KIF13B: variants seen among roughly 807,000 people sequenced by gnomAD.
KIF13B encodes the protein kinesin family member 13B.
A neutral mutation model predicts 222.0 loss-of-function variants in KIF13B; 127 were observed. The observed-to-expected ratio is 0.57, with a 90% CI of 0.50 to 0.66. The LOEUF (loss-of-function observed/expected upper bound fraction) is 0.66, where lower values mean the gene tolerates loss of function less well. KIF13B is among the 30% of genes least tolerant of loss of function. KIF13B has a pLI of 0.00. For synonymous variants in KIF13B, 976 were observed against 919.0 expected (o/e 1.06, Z -1.12); for missense variants, 2,173 against 2,379.0 (o/e 0.91, Z 1.80).
In KIF13B at chr8:29,182,049, A is replaced by C. The variant is rs370992243; in HGVS notation, c.498-43T>G. 7 of 1,497,530 alleles carry C rather than the reference A, an allele frequency of 4.7e-6. No homozygotes were observed. The South Asian group carries it at 8.0e-5, about 17-fold the overall frequency. 92.8% of individuals were successfully genotyped at this position (1,497,530 alleles called of 1,614,324 possible). On this transcript the variant is annotated intron_variant, in intron 6 of 39. Transcript: ENST00000524189. ...AGAAATGATTTTTTAACAATAGCCT[A>C]TTTTTAAAAAGGACTCAGCTCTGCT...
chr8:29,167,474 T>C lies in KIF13B; in HGVS notation c.1057A>G (p.Ile353Val), dbSNP rs778842588. 3 of 1,614,006 alleles carry C rather than the reference T, an allele frequency of 1.9e-6. No individual in the cohort carries two copies. Among genetic ancestry groups the C allele is most frequent in the African/African-American group, 1.3e-5 (1 of 75,066 alleles). ...TCATTCACCACAGCGTGGTTTACAATGTGCTTGGCTCGATCTGCATACCGC... is the reference window on the plus strand; with the variant it reads ...TCATTCACCACAGCGTGGTTTACAACGTGCTTGGCTCGATCTGCATACCGC... ...TLRYADRAKHIVNHAVVNEDP... is the reference protein window; with the variant it reads ...TLRYADRAKHVVNHAVVNEDP... Residue 353 changes from isoleucine (I) to valine (V), a missense_variant, in exon 11 of 40, where the codon ATT becomes GTT. Physicochemically the swap from Ile to Val is conservative, Grantham distance 29 (BLOSUM62 3). Coordinates refer to ENST00000524189, the MANE Select transcript of KIF13B (RefSeq NM_015254.4).
At chr8:29,186,913 G>C (rs1240664305) in intron 5 of KIF13B, among the ~76,000 whole-genome samples, 2 of 149,460 alleles carry the variant, frequency 1.3e-5, no homozygotes, top group African/African-American at 2.5e-5. Context: ...AGGTTGCAGT[G>C]AGCCGAGATT....
rs1349245798 is a variant in KIF13B at position 29,071,952 on chromosome 8, C to T, written c.4886G>A (p.Ser1629Asn). Residue 1629 changes from serine (S) to asparagine (N), a missense_variant, in exon 39 of 40, where the codon AGC becomes AAC. Physicochemically the swap from Ser to Asn is conservative, Grantham distance 46. Around this residue, in one of 2 missense-constraint regions of KIF13B, gnomAD observed 693 missense variants for 656.2 expected, o/e 1.06. Coordinates refer to ENST00000524189, the MANE Select transcript of KIF13B (RefSeq NM_015254.4). This position sits in a 1 kb window ranked among gnomAD's most constrained non-coding sequence, Gnocchi z 4.9. ...EEPPGPQQLV[S>N]PGRERPDLEA... ...GAGGTCGGGGCGCTCCCGACCGGGG[C>T]TCACGAGCTGCTGGGGGCCAGGGGG... is the stretch of plus-strand genomic sequence containing the variant. The T allele has an allele frequency of 4.4e-6, 6 of 1,361,400 alleles. No homozygotes were observed. The highest frequency in any genetic ancestry group is 5.6e-6 in the Non-Finnish European group (6 of 1,063,982). The allele number at this position is 1,361,400 out of a possible 1,614,324, so 84.3% of individuals were successfully genotyped here.
At chr8:29,253,339 A>G (rs1456069123) in intron 1 of KIF13B, among the ~76,000 whole-genome samples, 3 of 152,074 alleles carry the variant, frequency 2.0e-5, no homozygotes, top group South Asian at 4.2e-4. Context: ...GCAAGACCCC[A>G]TATCTGAAAA....
At chr8:29,154,418 G>A (rs559182291) in intron 14 of KIF13B, among the ~76,000 whole-genome samples, 1 of 152,192 alleles carries the variant, frequency 6.6e-6, no homozygotes, top group South Asian at 2.1e-4. Context: ...GGGAGGCAGG[G>A]AGCCGGTGTG....
intron 10 of KIF13B, 97 bp from the exon 11 acceptor site, chr8:29,167,682 G>C: frequency 1.0e-6 from 1 of 969,698 alleles, no homozygotes; most frequent in East Asian, 2.4e-5. Flanking sequence ...AATTTCCCCA[G>C]GTCAAACACA....
intron 1 of KIF13B, among the ~76,000 whole-genome samples, chr8:29,245,899 A>C (rs1815999268): frequency 6.6e-6 from 1 of 152,260 alleles, no homozygotes; most frequent in South Asian, 2.1e-4. Context: ...GAAAAATCTG[A>C]AAGTGAAATT....
At position 29,108,246 on chromosome 8, in the gene KIF13B, GTC is replaced by G; in HGVS notation, c.4162-56_4162-55del. On this transcript the variant is annotated intron_variant, in intron 34 of 39. Transcript: ENST00000524189. ...ATTTATGCATCAGAGCATACACGTG[GTC>G]TAGGCAACGCCAGTCTTTGCCAACC... The G allele has an allele frequency of 3.2e-6, 5 of 1,550,504 alleles. No individual in the cohort carries two copies. The Admixed American group carries it at 5.5e-5, about 17-fold the overall frequency.
At chr8:29,166,572 C>T (rs753678950) in intron 11 of KIF13B, among the ~76,000 whole-genome samples, 33 of 152,008 alleles carry the variant, frequency 2.2e-4, no homozygotes, top group Non-Finnish European at 4.1e-4. Flanking sequence ...GGCGTGGTGG[C>T]GTGCGCCTGT....
At chr8:29,133,161 G>C (rs2129850684) in intron 22 of KIF13B, among the ~76,000 whole-genome samples, 1 of 152,320 alleles carries the variant, frequency 6.6e-6, no homozygotes, top group Admixed American at 6.5e-5. Flanking sequence ...GAGCAAGAAA[G>C]ACTTGGGGAC....
At chr8:29,162,747 A>T (rs1483863539) in intron 12 of KIF13B, among the ~76,000 whole-genome samples, 1 of 152,218 alleles carries the variant, frequency 6.6e-6, no homozygotes, top group African/African-American at 2.4e-5. Flanking sequence ...TAAATCATCT[A>T]AAAAAATTAC....
rs1643779177 is a variant in KIF13B, at chr8:29,118,911, T to C, written c.3617A>G (p.Glu1206Gly). 1.2e-6 allele frequency: 2 copies of C among 1,613,582 alleles called. No homozygotes were observed. Among genetic ancestry groups the C allele is most frequent in the Admixed American group, 3.3e-5 (2 of 60,006 alleles). ...WDATLTGEEE[E>G]EFFELQIVKQ... ...CACAATCTGCAATTCAAAGAACTCCTCTTCTTCTTCCCCAGTCAAGGTCGC... is the reference window on the plus strand; with the variant it reads ...CACAATCTGCAATTCAAAGAACTCCCCTTCTTCTTCCCCAGTCAAGGTCGC... The change falls in exon 30 of 40, where the codon GAG becomes GGG. Residue 1206 changes from glutamate to glycine, a missense_variant. Glu to Gly is a moderately conservative substitution (Grantham distance 98, BLOSUM62 -2). Coordinates refer to ENST00000524189, the MANE Select transcript of KIF13B (RefSeq NM_015254.4).
At chr8:29,159,158 A>AT (rs112993669) in intron 13 of KIF13B, among the ~76,000 whole-genome samples, 50 of 149,940 alleles carry the variant, frequency 3.3e-4, no homozygotes, top group East Asian at 9.8e-4. Context: ...GTGATAATAC[A>AT]TTTTTTTTTT....
At position 29,072,278 on chromosome 8, in the gene KIF13B, C is replaced by T. The variant is rs373101329; in HGVS notation, c.4560G>A (p.Thr1520=). ...PEMGPDVLVQ[T]MGAPALKICD... ...AGATCTTCAAGGCCGGGGCCCCCAT[C>T]GTCTGCACCAGCACGTCAGGGCCCA... Residue 1520 remains threonine (T), a synonymous_variant, in exon 39 of 40, where the codon ACG becomes ACA. Coordinates refer to ENST00000524189, the MANE Select transcript of KIF13B (RefSeq NM_015254.4). 16 of 1,468,170 alleles carry T rather than the reference C, an allele frequency of 1.1e-5. No homozygotes were observed. The highest frequency in any genetic ancestry group is 2.9e-5 in the African/African-American group (2 of 68,112). 90.9% of individuals were successfully genotyped at this position (1,468,170 alleles called of 1,614,324 possible).
chr8:29,085,233 T>A (rs937023614), intron 37 of KIF13B, among the ~76,000 whole-genome samples: 2 of 152,176 alleles, frequency 1.3e-5, no homozygotes, highest in African/African-American at 2.4e-5. Context: ...GCATCCAGGT[T>A]TTCATTAAAG....
intron 14 of KIF13B, among the ~76,000 whole-genome samples, chr8:29,151,938 T>C (rs1403510267): frequency 1.3e-5 from 2 of 152,224 alleles, no homozygotes; most frequent in Non-Finnish European, 2.9e-5. Flanking sequence ...GTTAAAAACC[T>C]TCTGGAAAGG....
chr8:29,161,203 C>T (rs189981380), intron 12 of KIF13B, among the ~76,000 whole-genome samples: 2 of 152,150 alleles, frequency 1.3e-5, no homozygotes, highest in African/African-American at 4.8e-5. Flanking sequence ...TTTCCTCAAC[C>T]GGGATCCTTC....
Position 29,127,268 on chromosome 8 carries a change from C to T in KIF13B, c.3076G>A (p.Gly1026Arg). 6.2e-7 allele frequency: 1 copy of T among 1,612,910 alleles called. No homozygotes were observed. The highest frequency in any genetic ancestry group is 8.5e-7 in the Non-Finnish European group (1 of 1,179,434). ...TCGACTTGAACTCTCCGGGACTGCC[C>T]CTGGGTCACAGACAATTTAGAGTCT... Reference protein sequence around the residue: ...PTGGIFQLRQGQSRRVQVEVK... With the variant: ...PTGGIFQLRQRQSRRVQVEVK... The change falls in exon 25 of 40, where the codon GGG becomes AGG. Residue 1026 changes from glycine (G) to arginine (R), a missense_variant and splice_region_variant. Coordinates refer to ENST00000524189, the MANE Select transcript of KIF13B (RefSeq NM_015254.4).
intron 37 of KIF13B, among the ~76,000 whole-genome samples, chr8:29,076,969 T>A (rs762204100): frequency 3.3e-5 from 5 of 151,920 alleles, no homozygotes; most frequent in Non-Finnish European, 5.9e-5. Flanking sequence ...AGCAAGACCC[T>A]GTGTCAAAGA....
Sources: allele counts gnomAD v4.1 joint callset (sites outside exome capture counted in the v4.1 genomes callset), GRCh38; gene constraint gnomAD v4.1.1; regional missense constraint gnomAD v4.1.1; non-coding constraint Gnocchi (gnomAD v3.1); transcripts MANE v1.5; gene names NCBI Gene and HGNC (gene_info 2026-07-23, HGNC 2026-07-21).